The following TENM4 variants were observed in gnomAD, a reference collection of about 807,000 sequenced individuals.
TENM4 encodes teneurin transmembrane protein 4.
TENM4 carries 82 observed loss-of-function variants against 243.3 expected under a neutral mutation model. That is an observed-to-expected ratio of 0.34 (90% confidence interval 0.28 to 0.40). The LOEUF (loss-of-function observed/expected upper bound fraction) is 0.40. Among genes scored for constraint, TENM4 ranks in the 10% least tolerant of loss-of-function variants. The pLI is 1.00. For missense variants in TENM4, 3,138 were observed against 3,673.3 expected, an observed-to-expected ratio of 0.85 and a Z score of 3.77; for synonymous variants, 1,412 against 1,456.3, an observed-to-expected ratio of 0.97 and a Z score of 0.69.
intron 19 of TENM4, among the ~76,000 whole-genome samples, chr11:78,742,674 G>C (rs1855957411): frequency 6.6e-6 from 1 of 152,180 alleles, no homozygotes; most frequent in African/African-American, 2.4e-5. Flanking sequence ...ACTGGCATGA[G>C]TCCAACCACA....
chr11:79,222,205 G>A (rs1864171579), intron 2 of TENM4, among the ~76,000 whole-genome samples: 2 of 152,322 alleles, frequency 1.3e-5, no homozygotes, highest in East Asian at 1.9e-4. Context: ...AGATGCACCA[G>A]TGTAAGAGAA....
chr11:79,017,115 T>C (rs551684470), intron 6 of TENM4, among the ~76,000 whole-genome samples: 4 of 152,322 alleles, frequency 2.6e-5, no homozygotes, highest in South Asian at 4.1e-4. Flanking sequence ...ACGAGAATGA[T>C]GGAGGAGATC....
chr11:79,010,377 A>T (rs898977784), intron 6 of TENM4, among the ~76,000 whole-genome samples: 1 of 152,220 alleles, frequency 6.6e-6, no homozygotes, highest in South Asian at 2.1e-4. Flanking sequence ...ACTGGGGCTC[A>T]GAGGAGACTT....
intron 14 of TENM4, among the ~76,000 whole-genome samples, chr11:78,806,555 C>T (rs141589529): frequency 2.4e-4 from 37 of 152,320 alleles, no homozygotes; most frequent in African/African-American, 8.7e-4. Flanking sequence ...TTTATATACA[C>T]TATCAGATTC....
intron 2 of TENM4, among the ~76,000 whole-genome samples, chr11:79,245,488 A>G (rs923705423): frequency 2.6e-5 from 4 of 152,238 alleles, no homozygotes; most frequent in African/African-American, 9.6e-5. Context: ...GGGGGACCTC[A>G]GACTGTCACT....
At chr11:79,202,888 A>G (rs1863773210) in intron 3 of TENM4, among the ~76,000 whole-genome samples, 1 of 152,218 alleles carries the variant, frequency 6.6e-6, no homozygotes, top group Admixed American at 6.5e-5. Context: ...CTCTGTTCCC[A>G]GGACATGCAA....
chr11:79,400,134 CACACACACACA>C (rs1858430222), intron 1 of TENM4, among the ~76,000 whole-genome samples: 2 of 151,562 alleles, frequency 1.3e-5, no homozygotes, highest in African/African-American at 4.8e-5. Flanking sequence ...CACACACACA[CACACACACACA>C]CCCTCCAGGA....
intron 4 of TENM4, among the ~76,000 whole-genome samples, chr11:79,082,517 T>C (rs763342880): frequency 1.8e-4 from 28 of 152,032 alleles, no homozygotes; most frequent in Non-Finnish European, 3.5e-4. Context: ...TGGGTTGGTG[T>C]GGGGTGTCAC....
intron 4 of TENM4, among the ~76,000 whole-genome samples, chr11:79,078,972 A>G (rs1860597176): frequency 6.6e-6 from 1 of 152,228 alleles, no homozygotes; most frequent in African/African-American, 2.4e-5. Context: ...ATTGGCTTAA[A>G]TGTTCTATTT....
At position 78,863,024 on chromosome 11, in the gene TENM4, A is replaced by G. The variant is rs1347749825; in HGVS notation, c.1193T>C (p.Leu398Pro). The change falls in exon 10 of 34, where the codon CTA (leucine) becomes CCA (proline). Residue 398 changes from leucine to proline, a missense_variant. Physicochemically the swap from Leu to Pro is moderately conservative, Grantham distance 98 (BLOSUM62 -3). Coordinates refer to ENST00000278550, the MANE Select transcript of TENM4 (RefSeq NM_001098816.3). ...SSWPVPTDVS[L>P]YPSGGTGLET... ...TAAGCCAGTGCCCCCTGAGGGGTATAGGGAGACGTCGGTTGGCACAGGCCA... is the reference window on the plus strand; with the variant it reads ...TAAGCCAGTGCCCCCTGAGGGGTATGGGGAGACGTCGGTTGGCACAGGCCA... 1 of 1,536,164 alleles carries G rather than the reference A, an allele frequency of 6.5e-7. No homozygotes were observed. The highest frequency in any genetic ancestry group is 8.8e-7 in the Non-Finnish European group (1 of 1,134,932).
At chr11:79,025,299 G>A (rs991385612) in intron 6 of TENM4, among the ~76,000 whole-genome samples, 2 of 146,878 alleles carry the variant, frequency 1.4e-5, no homozygotes, top group Non-Finnish European at 3.0e-5. Flanking sequence ...GAATGAATGA[G>A]TGATTCAGTC....
intron 6 of TENM4, among the ~76,000 whole-genome samples, chr11:78,991,503 C>T (rs773703491): frequency 6.6e-5 from 10 of 152,206 alleles, no homozygotes; most frequent in Non-Finnish European, 1.0e-4. Flanking sequence ...ACTGTGACAT[C>T]CCTTACCACA....
chr11:78,757,520 T>C (rs763608050), intron 18 of TENM4, among the ~76,000 whole-genome samples: 18 of 152,210 alleles, frequency 1.2e-4, no homozygotes, highest in Non-Finnish European at 2.4e-4. Flanking sequence ...TGTGCACTCC[T>C]GAAACCAAAG....
At chr11:79,162,584 C>T (rs1476631672) in intron 3 of TENM4, among the ~76,000 whole-genome samples, 1 of 152,070 alleles carries the variant, frequency 6.6e-6, no homozygotes, top group Non-Finnish European at 1.5e-5. Flanking sequence ...ACCGGAATCC[C>T]AAAACTTATT....
At chr11:78,802,396 G>T (rs898672620) in intron 15 of TENM4, among the ~76,000 whole-genome samples, 2 of 152,250 alleles carry the variant, frequency 1.3e-5, no homozygotes, top group Non-Finnish European at 2.9e-5. Flanking sequence ...TGCCAAGGTC[G>T]CATGGTTAAC....
At chr11:78,665,148 TTTC>T (rs1380816822) in intron 32 of TENM4, among the ~76,000 whole-genome samples, 3 of 151,978 alleles carry the variant, frequency 2.0e-5, no homozygotes, top group Admixed American at 6.6e-5. Context: ...TCCTTCCTTC[TTTC>T]TTTTCTTTTC....
intron 4 of TENM4, among the ~76,000 whole-genome samples, chr11:79,128,549 G>A (rs535289903): frequency 6.6e-6 from 1 of 152,340 alleles, no homozygotes; most frequent in African/African-American, 2.4e-5. Context: ...GGCCTCATGG[G>A]GAGTTAGTTC....
chr11:79,129,806 G>C (rs1861963763), intron 4 of TENM4, among the ~76,000 whole-genome samples: 1 of 152,130 alleles, frequency 6.6e-6, no homozygotes. Context: ...ACCCACCCTG[G>C]TAGTGGAAGA....
chr11:78,710,039 G>A (rs1859361122), intron 26 of TENM4, among the ~76,000 whole-genome samples: 1 of 152,132 alleles, frequency 6.6e-6, no homozygotes, highest in Non-Finnish European at 1.5e-5. Context: ...GACTCAAGAG[G>A]GTCATGGTAA....
Sources: allele counts gnomAD v4.1 joint callset (sites outside exome capture counted in the v4.1 genomes callset), GRCh38; gene constraint gnomAD v4.1.1; transcripts MANE v1.5; gene names NCBI Gene and HGNC (gene_info 2026-07-23, HGNC 2026-07-21).